Variants in GLTP observed in about 807,000 individuals in gnomAD.
GLTP encodes glycolipid transfer protein.
In GLTP, 22 loss-of-function variants were observed where a neutral mutation model predicts 24.0. The observed-to-expected ratio is 0.92, with a 90% confidence interval of 0.65 to 1.31. The LOEUF is 1.31. Among genes scored for constraint, GLTP ranks in the 50% most tolerant of loss-of-function variants. The pLI is 0.00. For missense variants in GLTP, 224 were observed against 276.6 expected (o/e 0.81, Z 1.35); for synonymous variants, 92 against 115.9 (o/e 0.79, Z 1.33).
intron 1 of GLTP, among the ~76,000 whole-genome samples, chr12:109,871,331 C>T (rs1816443356): frequency 6.6e-6 from 1 of 152,048 alleles, no homozygotes; most frequent in African/African-American, 2.4e-5. Flanking sequence ...GTGATCTACC[C>T]GCTTCGGCCC....
At chr12:109,861,783 G>A (rs964805341) in intron 1 of GLTP, among the ~76,000 whole-genome samples, 3 of 152,142 alleles carry the variant, frequency 2.0e-5, no homozygotes, top group African/African-American at 7.2e-5. Flanking sequence ...GTAGCAGAGT[G>A]CCCGGTGAGT....
At chr12:109,875,784 C>T (rs192815145) in intron 1 of GLTP, among the ~76,000 whole-genome samples, 3 of 152,360 alleles carry the variant, frequency 2.0e-5, no homozygotes, top group East Asian at 1.9e-4. Flanking sequence ...GAGGCTGGCC[C>T]GCAGCCAGCG....
At chr12:109,868,200 G>A (rs1372437984) in intron 1 of GLTP, among the ~76,000 whole-genome samples, 1 of 152,156 alleles carries the variant, frequency 6.6e-6, no homozygotes, top group Non-Finnish European at 1.5e-5. Context: ...TTGTAGAGAT[G>A]GGGACTCACT....
chr12:109,855,114 C>T lies in GLTP; in HGVS notation c.447+505G>A, dbSNP rs945176750. ...TCCGCCTGGTGATCAACTGTAGGGC[C>T]CTCACCTAACCAGGCAGGTGCTGAA... On this transcript the variant is annotated intron_variant, in intron 4 of 4. Coordinates refer to ENST00000318348, the MANE Select transcript of GLTP (RefSeq NM_016433.4). This position sits in a 1 kb window ranked among gnomAD's most constrained non-coding sequence, Gnocchi z 4.1. Among the ~76,000 whole-genome samples, 4 of 152,208 alleles carry T rather than the reference C, an allele frequency of 2.6e-5. No homozygotes were observed. Among genetic ancestry groups the T allele is most frequent in the Non-Finnish European group, 5.9e-5 (4 of 68,030 alleles).
In GLTP at chr12:109,857,923, G is replaced by T; in HGVS notation, c.163-264C>A. ...CCATTTTACAGGCAGAGACACTGAG[G>T]CTCACAGAGGAGCACGGACTTGCCC... On this transcript the variant is annotated intron_variant, in intron 2 of 4. Coordinates refer to ENST00000318348, the MANE Select transcript of GLTP (RefSeq NM_016433.4). This position sits in a 1 kb window ranked among gnomAD's most constrained non-coding sequence, Gnocchi z 4.3. 2.0e-6 allele frequency: 1 copy of T among 502,498 alleles called. No individual in the cohort carries two copies. Among genetic ancestry groups the T allele is most frequent in the Non-Finnish European group, 3.6e-6 (1 of 274,772 alleles). 31.1% of individuals were successfully genotyped at this position (502,498 alleles called of 1,614,324 possible).
At position 109,872,604 on chromosome 12, in the gene GLTP, C is replaced by T. The variant is rs1180547110; in HGVS notation, c.103+7668G>A. 2.6e-5 allele frequency among the ~76,000 whole-genome samples: 4 copies of T among 152,164 alleles called. No individual in the cohort carries two copies. In the East Asian group the frequency reaches 7.7e-4, roughly 29 times the overall value. ...GCCAGGTGGGATCAAGAGTGGGACC[C>T]ACCAGCACGGCACCAGCACACAGCA... On this transcript the variant is annotated intron_variant, in intron 1 of 4. Transcript: ENST00000318348.
At chr12:109,860,159 G>C (rs1892854293) in intron 1 of GLTP, 1 of 152,984 alleles carries the variant, frequency 6.5e-6, no homozygotes, top group Non-Finnish European at 1.5e-5. Context: ...TGTATTTTTA[G>C]TAGAGATGGG....
Position 109,855,700 on chromosome 12 carries a change from GT to G in GLTP, c.365del (p.Asn122ThrfsTer41), listed in dbSNP as rs758773758. 2 of 1,610,072 alleles carry G rather than the reference GT, an allele frequency of 1.2e-6. No homozygotes were observed. The stretch of plus-strand genomic sequence containing the variant: ...CCTTGGTGGCGTTGACACGGATGAG[GT>G]TGGGGTGGTTCTCGTCCCGCTCCCC... ...CDGERDENHP[N>X]LIRVNATKAY... On this transcript the variant is annotated frameshift_variant, in exon 4 of 5. Transcript: ENST00000318348. LOFTEE classifies it high-confidence loss of function. The surrounding 1 kb of genome is among the most constrained non-coding windows in gnomAD (Gnocchi z 4.1).
At position 109,880,420 on chromosome 12, in the gene GLTP, G is replaced by T; in HGVS notation, c.-46C>A. 1.1e-6 allele frequency: 1 copy of T among 908,888 alleles called. No individual in the cohort carries two copies. 56.3% of individuals were successfully genotyped at this position (908,888 alleles called of 1,614,324 possible). A position where few individuals can be genotyped will look rare whatever the true frequency, so the allele number is the denominator to read the frequency against. On this transcript the variant is annotated 5_prime_UTR_variant, in exon 1 of 5. Transcript: ENST00000318348. This position sits in a 1 kb window ranked among gnomAD's most constrained non-coding sequence, Gnocchi z 5.1. ...TGATGCCCCAGCCGGCGCCGCGGGC[G>T]TCGACACCGCCCCCCCGGCCGCCGC...
rs2136043781 is a variant in GLTP, at chr12:109,858,675, G to C, written c.162+8C>G. The C allele has an allele frequency of 1.2e-6, 2 of 1,609,298 alleles. No individual in the cohort carries two copies. The highest frequency in any genetic ancestry group is 4.5e-5 in the East Asian group (2 of 44,850). On this transcript the variant is annotated splice_region_variant and intron_variant, in intron 2 of 4. Coordinates refer to ENST00000318348, the MANE Select transcript of GLTP (RefSeq NM_016433.4). ...TCTTGGGCTGTGGCTGCCCGGCCAG[G>C]TACATACCGTGATGTTGCCGCTTAT...
intron 1 of GLTP, among the ~76,000 whole-genome samples, chr12:109,872,871 G>A (rs1868767002): frequency 6.6e-6 from 1 of 152,142 alleles, no homozygotes; most frequent in Non-Finnish European, 1.5e-5. Context: ...ATATTAGGAG[G>A]GTTAATACAG....
intron 1 of GLTP, among the ~76,000 whole-genome samples, chr12:109,868,024 G>A (rs140799412): frequency 0.021 from 3,211 of 152,244 alleles, 118 homozygotes; most frequent in African/African-American, 0.073. Context: ...TGATCCACCC[G>A]CTTTGGCCTC....
chr12:109,863,970 C>G lies in GLTP; in HGVS notation c.104-5229G>C, dbSNP rs368249928. 2.1e-4 allele frequency among the ~76,000 whole-genome samples: 32 copies of G among 152,270 alleles called. No homozygotes were observed. The East Asian group carries it at 4.1e-3, about 19-fold the overall frequency. ...CTTGTGCAGTTCTGAGCAGCCCTGCCCTGGTGGCAGGGAGAAAGGCTTTTT... is the reference window on the plus strand; with the variant it reads ...CTTGTGCAGTTCTGAGCAGCCCTGCGCTGGTGGCAGGGAGAAAGGCTTTTT... On this transcript the variant is annotated intron_variant, in intron 1 of 4. Coordinates refer to ENST00000318348, the MANE Select transcript of GLTP (RefSeq NM_016433.4).
At chr12:109,867,528 G>A (rs1414526127) in intron 1 of GLTP, among the ~76,000 whole-genome samples, 1 of 152,158 alleles carries the variant, frequency 6.6e-6, no homozygotes, top group African/African-American at 2.4e-5. Flanking sequence ...ACCAATGAGG[G>A]GTTTCATGCA....
chr12:109,854,786 C>T (rs960239734), intron 4 of GLTP, among the ~76,000 whole-genome samples: 5 of 152,186 alleles, frequency 3.3e-5, no homozygotes, highest in African/African-American at 1.2e-4. Flanking sequence ...ACAGCTCTTC[C>T]GGGGTGGATG....
intron 1 of GLTP, chr12:109,866,597 T>C (rs971139242): frequency 1.3e-5 from 2 of 152,202 alleles, no homozygotes; most frequent in African/African-American, 4.8e-5. Context: ...ACTGCTTTCA[T>C]AGTGGAAGCC....
chr12:109,874,283 T>C (rs889862695), intron 1 of GLTP, among the ~76,000 whole-genome samples: 14 of 152,188 alleles, frequency 9.2e-5, no homozygotes, highest in African/African-American at 3.1e-4. Flanking sequence ...TCGGTTTCTT[T>C]GGCTGTAAAA....
chr12:109,860,549 C>T (rs1942857476), intron 1 of GLTP: 1 of 151,622 alleles, frequency 6.6e-6, no homozygotes, highest in African/African-American at 2.4e-5. Flanking sequence ...AAGATCACAG[C>T]TCACTGCAGG....
intron 1 of GLTP, among the ~76,000 whole-genome samples, chr12:109,861,135 G>A (rs910556879): frequency 6.6e-6 from 1 of 152,178 alleles, no homozygotes; most frequent in Non-Finnish European, 1.5e-5. Flanking sequence ...GTGACCGCAT[G>A]AGGGCAGAAG....
Sources: allele counts gnomAD v4.1 joint callset (sites outside exome capture counted in the v4.1 genomes callset), GRCh38; gene constraint gnomAD v4.1.1; non-coding constraint Gnocchi (gnomAD v3.1); transcripts MANE v1.5; gene names NCBI Gene and HGNC (gene_info 2026-07-23, HGNC 2026-07-21).